The following MAP7D2 variants were observed in gnomAD, a reference collection of about 807,000 sequenced individuals.
MAP7D2 encodes MAP7 domain-containing protein 2.
Under a neutral mutation model 63.5 loss-of-function variants are expected in MAP7D2, and 33 were observed. That is an observed-to-expected ratio of 0.52 (90% CI 0.39 to 0.70). The LOEUF is 0.70. MAP7D2 is among the 30% of genes least tolerant of loss of function. The pLI is 0.00. For synonymous variants in MAP7D2, 224 were observed against 223.7 expected, an observed-to-expected ratio of 1.00 and a Z score of -0.01; for missense variants, 626 against 604.0, an observed-to-expected ratio of 1.04 and a Z score of -0.38.
intron 5 of MAP7D2, chrX:20,052,379 G>A: frequency 3.6e-6 from 1 of 281,124 alleles, no homozygotes; most frequent in Non-Finnish European, 6.8e-6. Flanking sequence ...TCTTTTAGAG[G>A]CCTCATTAGT....
intron 1 of MAP7D2, among the ~76,000 whole-genome samples, chrX:20,115,454 G>A (rs897846869): frequency 3.6e-5 from 4 of 111,331 alleles, no homozygotes; most frequent in African/African-American, 1.3e-4. Context: ...ACGGAGGGTC[G>A]TTCTGGTGGG....
chrX:20,098,753 C>T (rs2066344412), intron 1 of MAP7D2, among the ~76,000 whole-genome samples: 1 of 112,483 alleles, frequency 8.9e-6, no homozygotes, highest in Admixed American at 9.4e-5. Context: ...CACCTCCAGA[C>T]CTGGATGGCA....
intron 8 of MAP7D2, among the ~76,000 whole-genome samples, chrX:20,032,733 G>A (rs1253983025): frequency 8.9e-6 from 1 of 112,009 alleles, no homozygotes; most frequent in African/African-American, 3.2e-5. Flanking sequence ...CATCCCACAA[G>A]ATCTTATCTT....
intron 1 of MAP7D2, among the ~76,000 whole-genome samples, chrX:20,098,149 C>A (rs1368933650): frequency 8.9e-6 from 1 of 111,941 alleles, no homozygotes; most frequent in Non-Finnish European, 1.9e-5. Flanking sequence ...AGTACTACCT[C>A]TGTGCAAGAC....
chrX:20,102,039 T>C lies in MAP7D2; in HGVS notation c.130+14711A>G, dbSNP rs113900600. Among the ~76,000 whole-genome samples, 100 of 112,385 alleles carry C rather than the reference T, an allele frequency of 8.9e-4. 1 individual carries two copies. Among genetic ancestry groups the C allele is most frequent in the African/African-American group, 3.2e-3 (98 of 30,969 alleles). On this transcript the variant is annotated intron_variant, in intron 1 of 16. Transcript: ENST00000379643. Reference sequence around the variant, plus strand: ...AGTGAAAAGAGGTGAGAACAGTGGTTACCTTTGAGAGAAGTATTGACTAGG... The same window carrying C: ...AGTGAAAAGAGGTGAGAACAGTGGTCACCTTTGAGAGAAGTATTGACTAGG...
intron 1 of MAP7D2, among the ~76,000 whole-genome samples, chrX:20,093,651 C>T (rs1375310834): frequency 1.8e-5 from 2 of 108,257 alleles, no homozygotes; most frequent in Non-Finnish European, 3.8e-5. Flanking sequence ...AGTGAGACTC[C>T]ATCTCAAAAA....
chrX:20,038,051 C>G (rs965529536), intron 8 of MAP7D2, among the ~76,000 whole-genome samples: 1 of 111,586 alleles, frequency 9.0e-6, no homozygotes, highest in Admixed American at 9.5e-5. Context: ...CTGCTGAGTG[C>G]CCAATCTGCC....
intron 1 of MAP7D2, among the ~76,000 whole-genome samples, chrX:20,107,604 G>A (rs1393893284): frequency 9.2e-6 from 1 of 108,887 alleles, no homozygotes; most frequent in Non-Finnish European, 1.9e-5. Flanking sequence ...TTAATTACAT[G>A]CTGAAAGATA....
intron 8 of MAP7D2, among the ~76,000 whole-genome samples, chrX:20,040,476 T>C (rs1433037494): frequency 1.8e-5 from 2 of 111,967 alleles, no homozygotes; most frequent in Non-Finnish European, 3.8e-5. Flanking sequence ...CTTCAGCCCA[T>C]GTCAGATTTG....
At chrX:20,046,258 G>A (rs2064795984) in intron 6 of MAP7D2, among the ~76,000 whole-genome samples, 1 of 112,214 alleles carries the variant, frequency 8.9e-6, no homozygotes, top group Non-Finnish European at 1.9e-5. Flanking sequence ...GCTAGACTGG[G>A]TCACATACAA....
intron 5 of MAP7D2, among the ~76,000 whole-genome samples, chrX:20,052,184 T>C (rs927347116): frequency 1.8e-5 from 2 of 112,414 alleles, no homozygotes; most frequent in Admixed American, 1.9e-4. Flanking sequence ...AAACATTTAG[T>C]GCATGGAGAG....
intron 1 of MAP7D2, among the ~76,000 whole-genome samples, chrX:20,102,723 G>A (rs1347034822): frequency 9.5e-6 from 1 of 105,239 alleles, no homozygotes; most frequent in Admixed American, 1.0e-4. Context: ...ATGGGGATGC[G>A]GTCATGAGAG....
chrX:20,093,355 G>A (rs2066119635), intron 1 of MAP7D2, among the ~76,000 whole-genome samples: 2 of 111,792 alleles, frequency 1.8e-5, no homozygotes. Context: ...ATAATTTAGA[G>A]AGGAAGAAAG....
chrX:20,028,458 G>A (rs1450041661), intron 8 of MAP7D2, among the ~76,000 whole-genome samples: 1 of 112,303 alleles, frequency 8.9e-6, no homozygotes, highest in Admixed American at 9.4e-5. Context: ...TAATAACAGG[G>A]GAGCCCATGT....
chrX:20,114,719 C>T (rs894593938), intron 1 of MAP7D2, among the ~76,000 whole-genome samples: 1 of 112,245 alleles, frequency 8.9e-6, no homozygotes, highest in Non-Finnish European at 1.9e-5. Context: ...GTGTGCAACA[C>T]AAAATTGTTG....
chrX:20,006,805 A>T lies in MAP7D2; in HGVS notation c.*1620T>A, dbSNP rs1208006602. The T allele has an allele frequency of 9.0e-6, 1 of 111,581 alleles. No individual in the cohort carries two copies. Among genetic ancestry groups the T allele is most frequent in the African/African-American group, 3.3e-5 (1 of 30,692 alleles). 9.2% of individuals were successfully genotyped at this position (111,581 alleles called of 1,213,427 possible). A position where few individuals can be genotyped will look rare whatever the true frequency, so the allele number is the denominator to read the frequency against. ...GGTTTTCTTCTACACAGGTTTTTAA[A>T]AGCCTGGTTTGGTTTCAGCACATTG... On this transcript the variant is annotated 3_prime_UTR_variant, in exon 17 of 17. Transcript: ENST00000379643.
chrX:20,027,709 GAGAGAGGGAGAGAGAA>G (rs1238024611), intron 8 of MAP7D2, among the ~76,000 whole-genome samples: 5 of 107,500 alleles, frequency 4.7e-5, no homozygotes, highest in African/African-American at 6.8e-5. Flanking sequence ...GAAAGAGAGG[GAGAGAGGGAGAGAGAA>G]AGAGAGGGAG....
chrX:20,053,649 CAA>C (rs1264319191), intron 4 of MAP7D2, among the ~76,000 whole-genome samples: 1 of 111,440 alleles, frequency 9.0e-6, no homozygotes, highest in Non-Finnish European at 1.9e-5. Flanking sequence ...AGACGGCAAA[CAA>C]AGAGATGCTG....
intron 3 of MAP7D2, among the ~76,000 whole-genome samples, chrX:20,060,430 GAGAGAAAGAAAGAAAGAAAGAAAGAA>G (rs1341600376): frequency 3.4e-5 from 2 of 58,870 alleles, no homozygotes; most frequent in South Asian, 9.1e-4. Context: ...GAGAGAGAGA[GAGAGAAAGAAAGAAAGAAAGAAAGAA>G]AGAAAGAAAG....
Sources: gnomAD v4.1 joint callset for allele counts (sites outside exome capture counted in the v4.1 genomes callset) on GRCh38, gnomAD v4.1.1 for gene constraint, MANE v1.5 for transcripts, NCBI Gene and HGNC (gene_info 2026-07-23, HGNC 2026-07-21) for gene names.